Variants in SCN7A observed in about 807,000 individuals in gnomAD.
SCN7A encodes the protein sodium voltage-gated channel alpha subunit 7, also known as sodium channel protein type 7 subunit alpha.
In SCN7A, 138 loss-of-function variants were observed where a neutral mutation model predicts 155.2. The ratio of observed to expected loss-of-function variants is 0.89; its 90% CI spans 0.77 to 1.02. The LOEUF (loss-of-function observed/expected upper bound fraction) is 1.02, where lower values mean the gene tolerates loss of function less well. SCN7A is among the 50% of genes least tolerant of loss of function. The probability of loss-of-function intolerance (pLI) is 0.00; values close to 1 mark genes in which losing one functional copy is unlikely to be tolerated. For missense variants in SCN7A, 2,058 were observed against 1,986.6 expected, an observed-to-expected ratio of 1.04 and a Z score of -0.68; for synonymous variants, 693 against 649.0, an observed-to-expected ratio of 1.07 and a Z score of -1.03.
intron 16 of SCN7A, 60 bp downstream of exon 16, chr2:166,432,258 C>A: frequency 7.3e-7 from 1 of 1,375,096 alleles, no homozygotes. Flanking sequence ...CGCTGATTTA[C>A]TTCCTTATCA....
rs1026195427 is a variant in SCN7A, at chr2:166,405,364, C to A, written c.*216G>T. ...TGAGATTGTCAAATGGCCACTTTAA[C>A]CCACTTTAAACTCACTGCAGCAATA... On this transcript the variant is annotated 3_prime_UTR_variant, in exon 26 of 26. Transcript: ENST00000643258. 2 of 471,400 alleles carry A rather than the reference C, an allele frequency of 4.2e-6. No homozygotes were observed. The highest frequency in any genetic ancestry group is 3.7e-6 in the Non-Finnish European group (1 of 270,998). The allele number at this position is 471,400 out of a possible 1,614,324, so 29.2% of individuals were successfully genotyped here. A position where few individuals can be genotyped will look rare whatever the true frequency, so the allele number is the denominator to read the frequency against.
At chr2:166,476,751 G>T (rs948952099) in intron 3 of SCN7A, among the ~76,000 whole-genome samples, 6 of 151,928 alleles carry the variant, frequency 3.9e-5, no homozygotes, top group African/African-American at 1.4e-4. Flanking sequence ...TCCAGTTATA[G>T]CATCACTTTC....
intron 5 of SCN7A, among the ~76,000 whole-genome samples, chr2:166,472,927 C>G (rs929881071): frequency 6.6e-6 from 1 of 151,586 alleles, no homozygotes; most frequent in African/African-American, 2.4e-5. Context: ...AAATGGAAAA[C>G]TAAATACTGC....
chr2:166,450,681 C>A (rs892759087), intron 11 of SCN7A, among the ~76,000 whole-genome samples: 2 of 152,128 alleles, frequency 1.3e-5, no homozygotes, highest in Middle Eastern at 3.4e-3. Flanking sequence ...ATAGTCCCAG[C>A]TACTCGGGAG....
intron 18 of SCN7A, among the ~76,000 whole-genome samples, chr2:166,424,104 C>A (rs964229111): frequency 4.6e-5 from 7 of 151,914 alleles, no homozygotes; most frequent in African/African-American, 1.7e-4. Flanking sequence ...TTAAAATAAT[C>A]TCATATAAAG....
intron 11 of SCN7A, among the ~76,000 whole-genome samples, chr2:166,452,204 G>T (rs1702189308): frequency 6.6e-6 from 1 of 151,576 alleles, no homozygotes; most frequent in Non-Finnish European, 1.5e-5. Context: ...AAGATTCTGG[G>T]TTGTTTATAC....
chr2:166,483,478 T>C (rs1358828435), intron 2 of SCN7A, among the ~76,000 whole-genome samples: 1 of 151,994 alleles, frequency 6.6e-6, no homozygotes, highest in Non-Finnish European at 1.5e-5. Context: ...ACTGCATTGT[T>C]TGTGGAACAC....
intron 11 of SCN7A, among the ~76,000 whole-genome samples, chr2:166,452,296 G>GA (rs1226583489): frequency 6.6e-6 from 1 of 151,530 alleles, no homozygotes; most frequent in African/African-American, 2.4e-5. Flanking sequence ...CAGTCTCTGA[G>GA]AAAAAAAAGC....
intron 18 of SCN7A, among the ~76,000 whole-genome samples, chr2:166,425,325 T>C (rs1172692284): frequency 1.3e-5 from 2 of 152,042 alleles, no homozygotes; most frequent in African/African-American, 4.8e-5. Flanking sequence ...AGGAGAAGGA[T>C]TGTATACCAG....
intron 14 of SCN7A, among the ~76,000 whole-genome samples, chr2:166,442,904 A>C (rs566835585): frequency 3.2e-4 from 49 of 152,294 alleles, no homozygotes; most frequent in Middle Eastern, 3.4e-3. Context: ...TAACCATTAG[A>C]ATAAGATTAA....
chr2:166,453,238 G>T (rs1428927809), intron 11 of SCN7A, among the ~76,000 whole-genome samples: 2 of 152,116 alleles, frequency 1.3e-5, no homozygotes, highest in African/African-American at 4.8e-5. Context: ...AAAGGCAACA[G>T]TGTATGTAAA....
At chr2:166,418,147 T>C (rs1701419801) in intron 20 of SCN7A, among the ~76,000 whole-genome samples, 1 of 151,290 alleles carries the variant, frequency 6.6e-6, no homozygotes, top group Admixed American at 6.6e-5. Flanking sequence ...TTATTTATTT[T>C]ATTGAGACCA....
At position 166,416,850 on chromosome 2, in the gene SCN7A, T is replaced by C. The variant is rs775572916; in HGVS notation, c.3271A>G (p.Thr1091Ala). Residue 1091 changes from threonine to alanine, a missense_variant, in exon 21 of 26, where the codon ACA (threonine) becomes GCA (alanine). Physicochemically the swap from Thr to Ala is moderately conservative, Grantham distance 58. Transcript: ENST00000643258. ...GATGAAGGAAACCTTTCTCCACTTG[T>C]TGGGTCAATGCATTCATAGAATCTG... is the stretch of plus-strand genomic sequence containing the variant. The part of the protein sequence containing the change: ...AGRFYECIDP[T>A]SGERFPSSEV... 13 of 1,613,582 alleles carry C rather than the reference T, an allele frequency of 8.1e-6. No homozygotes were observed. The Admixed American group carries it at 2.2e-4, about 27-fold the overall frequency.
intron 17 of SCN7A, among the ~76,000 whole-genome samples, 185 bp downstream of exon 17, chr2:166,428,984 T>A (rs530844314): frequency 1.3e-5 from 2 of 152,192 alleles, no homozygotes; most frequent in South Asian, 2.1e-4. Flanking sequence ...GTTACTCATA[T>A]AAAAATGGCC....
intron 2 of SCN7A, among the ~76,000 whole-genome samples, chr2:166,484,112 C>A (rs1269137821): frequency 1.3e-5 from 2 of 151,888 alleles, no homozygotes; most frequent in Non-Finnish European, 2.9e-5. Flanking sequence ...TAGCTTGTTT[C>A]TAACTTTGTA....
intron 16 of SCN7A, among the ~76,000 whole-genome samples, chr2:166,431,734 T>C: frequency 6.6e-6 from 1 of 152,106 alleles, no homozygotes. Flanking sequence ...CTACCAACTG[T>C]TCAAAATTCA....
chr2:166,434,389 T>C (rs972492823), intron 15 of SCN7A, among the ~76,000 whole-genome samples: 1 of 151,954 alleles, frequency 6.6e-6, no homozygotes, highest in African/African-American at 2.4e-5. Context: ...ATATGGGAAA[T>C]GTTTTGTGGG....
intron 3 of SCN7A, among the ~76,000 whole-genome samples, chr2:166,475,122 A>ATATATATATATATATATATACACACACG (rs1702765527): frequency 1.1e-5 from 1 of 93,838 alleles, no homozygotes; most frequent in Non-Finnish European, 2.2e-5. Flanking sequence ...ATATATATAC[A>ATATATATATATATATATATACACACACG]TATATATATA....
chr2:166,478,896 G>T (rs957031038), intron 2 of SCN7A, among the ~76,000 whole-genome samples: 5 of 151,750 alleles, frequency 3.3e-5, no homozygotes, highest in African/African-American at 1.2e-4. Context: ...CATGAACCTG[G>T]TTCTTTTTTC....
Sources: allele counts gnomAD v4.1 joint callset (sites outside exome capture counted in the v4.1 genomes callset), GRCh38; gene constraint gnomAD v4.1.1; transcripts MANE v1.5; gene names NCBI Gene and HGNC (gene_info 2026-07-23, HGNC 2026-07-21).